Variants in PDLIM5 observed in about 807,000 individuals in gnomAD.
The protein encoded by PDLIM5 is PDZ and LIM domain 5, also known as PDZ and LIM domain protein 5.
Under a neutral mutation model 64.2 loss-of-function variants are expected in PDLIM5, and 34 were observed. The ratio of observed to expected loss-of-function variants is 0.53; its 90% confidence interval spans 0.40 to 0.71. The LOEUF is 0.71. Among genes scored for constraint, PDLIM5 ranks in the 30% least tolerant of loss-of-function variants. The pLI, the probability that PDLIM5 is intolerant of heterozygous loss-of-function variation, is 0.00. For missense variants in PDLIM5, 683 were observed against 733.6 expected (o/e 0.93, Z 0.80); for synonymous variants, 253 against 269.1 (o/e 0.94, Z 0.59).
chr4:94,630,381 A>G (rs1740044713), intron 8 of PDLIM5, among the ~76,000 whole-genome samples: 3 of 151,754 alleles, frequency 2.0e-5, no homozygotes, highest in Non-Finnish European at 2.9e-5. Flanking sequence ...ATATATATGT[A>G]TATATTTTTT....
At chr4:94,470,335 T>C (rs957416146) in intron 2 of PDLIM5, among the ~76,000 whole-genome samples, 10 of 152,194 alleles carry the variant, frequency 6.6e-5, no homozygotes, top group African/African-American at 2.4e-4. Flanking sequence ...TTCCTTGTGA[T>C]GTTACGACCT....
chr4:94,658,261 G>A (rs896752207), intron 11 of PDLIM5, among the ~76,000 whole-genome samples: 5 of 152,118 alleles, frequency 3.3e-5, no homozygotes, highest in African/African-American at 7.2e-5. Context: ...ACTGGAGATC[G>A]TTTGTTACTT....
At chr4:94,564,656 C>CTTTTTTTTTTTTTTTTTTTTTTTTTTT (rs768721210) in intron 3 of PDLIM5, among the ~76,000 whole-genome samples, 1 of 104,542 alleles carries the variant, frequency 9.6e-6, no homozygotes, top group Non-Finnish European at 1.8e-5. Flanking sequence ...AATTTTGTCT[C>CTTTTTTTTTTTTTTTTTTTTTTTTTTT]TTTTTTTTTT....
intron 2 of PDLIM5, among the ~76,000 whole-genome samples, chr4:94,489,223 G>C (rs970482858): frequency 5.3e-5 from 8 of 152,258 alleles, no homozygotes; most frequent in South Asian, 4.1e-4. Context: ...AGCTGTGTTA[G>C]CAGCTGTGAA....
chr4:94,509,415 C>T (rs1421176306), intron 2 of PDLIM5, among the ~76,000 whole-genome samples: 3 of 152,062 alleles, frequency 2.0e-5, no homozygotes, highest in Non-Finnish European at 2.9e-5. Flanking sequence ...TTCTCTTTCC[C>T]CCTACTGAAT....
intron 2 of PDLIM5, among the ~76,000 whole-genome samples, chr4:94,474,230 T>G (rs1045469380): frequency 2.0e-5 from 3 of 152,168 alleles, no homozygotes; most frequent in Non-Finnish European, 4.4e-5. Context: ...TTAAAACATT[T>G]CATTTACATC....
At chr4:94,657,048 A>G (rs945848503) in intron 10 of PDLIM5, 1 of 154,244 alleles carries the variant, frequency 6.5e-6, no homozygotes, top group Non-Finnish European at 1.4e-5. Flanking sequence ...ACTTTTGCAG[A>G]TAATACCATA....
At position 94,523,844 on chromosome 4, in the gene PDLIM5, T is replaced by G; in HGVS notation, c.217T>G (p.Cys73Gly). The G allele has an allele frequency of 6.2e-7, 1 of 1,613,488 alleles. No homozygotes were observed. Among genetic ancestry groups the G allele is most frequent in the Non-Finnish European group, 8.5e-7 (1 of 1,179,518 alleles). ...HLEAQNKIKG[C>G]TGSLNMTLQR... ...TGAAGCCCAGAATAAGATTAAGGGTTGTACAGGCTCTTTGAATATGACTCT... is the reference window on the plus strand; with the variant it reads ...TGAAGCCCAGAATAAGATTAAGGGTGGTACAGGCTCTTTGAATATGACTCT... The change falls in exon 3 of 13, where the codon TGT becomes GGT. Residue 73 changes from cysteine to glycine, a missense_variant. By Grantham distance (159) the Cys-to-Gly change is radical. Transcript: ENST00000317968.
In PDLIM5 at chr4:94,654,655, C is replaced by G. The variant is rs377072067; in HGVS notation, c.1464+15C>G. 9.1e-6 allele frequency: 14 copies of G among 1,530,422 alleles called. No homozygotes were observed. Among genetic ancestry groups the G allele is most frequent in the South Asian group, 2.3e-5 (2 of 85,836 alleles). 94.8% of individuals were successfully genotyped at this position (1,530,422 alleles called of 1,614,324 possible). A position where few individuals can be genotyped will look rare whatever the true frequency, so the allele number is the denominator to read the frequency against. ...AGATCCTTGGAGTAAGTATTGGAAA[C>G]GTTTTTATTCTGAATGAGTTTTAAA... On this transcript the variant is annotated intron_variant, in intron 10 of 12. Coordinates refer to ENST00000317968, the MANE Select transcript of PDLIM5 (RefSeq NM_006457.5).
intron 7 of PDLIM5, among the ~76,000 whole-genome samples, chr4:94,609,174 G>A (rs941362521): frequency 6.6e-6 from 1 of 152,104 alleles, no homozygotes; most frequent in South Asian, 2.1e-4. Context: ...ACCAGAGGTC[G>A]AGTTTGCCAC....
At chr4:94,479,795 A>G (rs921912220) in intron 2 of PDLIM5, among the ~76,000 whole-genome samples, 2 of 152,208 alleles carry the variant, frequency 1.3e-5, no homozygotes, top group African/African-American at 4.8e-5. Context: ...CTTCTCACCC[A>G]TATTGTCATC....
rs141660536 is a variant in PDLIM5, at chr4:94,631,256, G to C, written c.1109-9020G>C. ...AATTCTCCTAAATGTTTCTCAAAACGTGAAGAATACAGCCTTTTATCCTTA... is the reference window on the plus strand; with the variant it reads ...AATTCTCCTAAATGTTTCTCAAAACCTGAAGAATACAGCCTTTTATCCTTA... On this transcript the variant is annotated intron_variant, in intron 8 of 12. Transcript: ENST00000317968. 1.8e-3 allele frequency among the ~76,000 whole-genome samples: 267 copies of C among 152,090 alleles called. 1 individual carries two copies. The highest frequency in any genetic ancestry group is 6.3e-3 in the African/African-American group (261 of 41,490).
intron 3 of PDLIM5, among the ~76,000 whole-genome samples, chr4:94,554,739 A>G (rs1421268947): frequency 2.0e-5 from 3 of 151,268 alleles, no homozygotes; most frequent in Admixed American, 1.3e-4. Context: ...GTTTGCTGTC[A>G]TAGTATATAA....
chr4:94,644,518 C>T lies in PDLIM5; in HGVS notation c.1283+4068C>T, dbSNP rs17021925. 4.9e-3 allele frequency among the ~76,000 whole-genome samples: 743 copies of T among 151,706 alleles called. 7 individuals carry two copies. The highest frequency in any genetic ancestry group is 0.017 in the African/African-American group (715 of 41,434). On this transcript the variant is annotated intron_variant, in intron 9 of 12. Transcript: ENST00000317968. ...ACTATATATTGAACTTGATTGGTAT[C>T]ATGCCAAGAACTTTTTTTTTTTTTT...
intron 2 of PDLIM5, among the ~76,000 whole-genome samples, chr4:94,467,183 C>T (rs1232591414): frequency 6.6e-6 from 1 of 152,194 alleles, no homozygotes; most frequent in African/African-American, 2.4e-5. Context: ...CTTTAGAATT[C>T]CCAGTACATG....
At chr4:94,588,822 G>C (rs1375703248) in intron 7 of PDLIM5, among the ~76,000 whole-genome samples, 2 of 152,122 alleles carry the variant, frequency 1.3e-5, no homozygotes, top group African/African-American at 4.8e-5. Flanking sequence ...ACAACTGCTT[G>C]ATAATTTGGA....
chr4:94,480,827 GCA>G (rs1364399419), intron 2 of PDLIM5, among the ~76,000 whole-genome samples: 1 of 152,110 alleles, frequency 6.6e-6, no homozygotes, highest in Non-Finnish European at 1.5e-5. Flanking sequence ...ACAGCTGCCA[GCA>G]CAGACAATAC....
intron 8 of PDLIM5, among the ~76,000 whole-genome samples, chr4:94,619,389 C>T (rs1189931099): frequency 1.5e-4 from 22 of 151,286 alleles, no homozygotes; most frequent in Non-Finnish European, 3.1e-4. Context: ...GCCTGTAATC[C>T]CAGCACTTTG....
chr4:94,498,911 T>G (rs986422498), intron 2 of PDLIM5, among the ~76,000 whole-genome samples: 2 of 152,262 alleles, frequency 1.3e-5, no homozygotes, highest in African/African-American at 4.8e-5. Context: ...GATATTTTAT[T>G]CTCATTTAGC....
Sources: allele counts gnomAD v4.1 joint callset (sites outside exome capture counted in the v4.1 genomes callset), GRCh38; gene constraint gnomAD v4.1.1; transcripts MANE v1.5; gene names NCBI Gene and HGNC (gene_info 2026-07-23, HGNC 2026-07-21).